The following FHIT variants were observed in gnomAD, a reference collection of about 807,000 sequenced individuals.
FHIT encodes bis(5'-adenosyl)-triphosphatase.
FHIT carries 19 observed loss-of-function variants against 17.9 expected under a neutral mutation model. The observed-to-expected ratio is 1.06, with a 90% CI of 0.74 to 1.56. FHIT has a LOEUF of 1.56. FHIT is among the 40% of genes most tolerant of loss of function. The pLI, the probability that FHIT is intolerant of heterozygous loss-of-function variation, is 0.00. For synonymous variants in FHIT, 81 were observed against 69.7 expected, an observed-to-expected ratio of 1.16 and a Z score of -0.81; for missense variants, 248 against 189.2, an observed-to-expected ratio of 1.31 and a Z score of -1.82.
intron 3 of FHIT, among the ~76,000 whole-genome samples, chr3:60,963,119 T>C (rs1709544836): frequency 6.6e-6 from 1 of 152,224 alleles, no homozygotes; most frequent in African/African-American, 2.4e-5. Context: ...CTGTTATTGG[T>C]CTATTAAGGG....
intron 8 of FHIT, among the ~76,000 whole-genome samples, chr3:59,786,517 C>T (rs962608331): frequency 2.0e-4 from 30 of 152,306 alleles, no homozygotes; most frequent in African/African-American, 6.0e-4. Context: ...CTGTGTCAGA[C>T]GTGCGATGCG....
chr3:60,892,912 T>G (rs1045011156), intron 3 of FHIT, among the ~76,000 whole-genome samples: 5 of 152,226 alleles, frequency 3.3e-5, no homozygotes, highest in African/African-American at 1.2e-4. Context: ...TTTAACTGCA[T>G]AGTGGAGTTA....
intron 4 of FHIT, among the ~76,000 whole-genome samples, chr3:60,696,345 A>G (rs1241176132): frequency 6.6e-6 from 1 of 152,200 alleles, no homozygotes; most frequent in Admixed American, 6.6e-5. Flanking sequence ...GACTTCCCAT[A>G]CTTCTTCAGG....
At chr3:59,960,321 T>C (rs1707610853) in intron 7 of FHIT, among the ~76,000 whole-genome samples, 1 of 152,142 alleles carries the variant, frequency 6.6e-6, no homozygotes, top group African/African-American at 2.4e-5. Flanking sequence ...TAAGAAATAT[T>C]GTGGGGTAAA....
chr3:60,086,770 A>G (rs1249017003), intron 5 of FHIT, among the ~76,000 whole-genome samples: 3 of 152,220 alleles, frequency 2.0e-5, no homozygotes, highest in South Asian at 2.1e-4. Context: ...CTCTGCCCCT[A>G]TAACTTCAGT....
intron 5 of FHIT, among the ~76,000 whole-genome samples, chr3:60,015,213 A>T (rs1321907982): frequency 6.6e-6 from 1 of 152,156 alleles, no homozygotes; most frequent in East Asian, 1.9e-4. Flanking sequence ...TATCAACCCC[A>T]TTCCGCTATT....
intron 5 of FHIT, among the ~76,000 whole-genome samples, chr3:60,214,816 A>G (rs1398295616): frequency 6.6e-6 from 1 of 151,614 alleles, no homozygotes; most frequent in African/African-American, 2.4e-5. Flanking sequence ...CATATATACC[A>G]CAGAATACTA....
intron 5 of FHIT, among the ~76,000 whole-genome samples, chr3:60,264,698 C>G (rs1384144643): frequency 6.6e-6 from 1 of 151,938 alleles, no homozygotes; most frequent in Non-Finnish European, 1.5e-5. Flanking sequence ...AATGTGGACT[C>G]TCCTTTTCTC....
At chr3:60,206,500 C>G (rs906571079) in intron 5 of FHIT, among the ~76,000 whole-genome samples, 1 of 151,972 alleles carries the variant, frequency 6.6e-6, no homozygotes, top group South Asian at 2.1e-4. Flanking sequence ...TTTGTTTTGA[C>G]TTAACATGCC....
chr3:60,965,294 G>A (rs1328439165), intron 3 of FHIT, among the ~76,000 whole-genome samples: 2 of 152,150 alleles, frequency 1.3e-5, no homozygotes, highest in South Asian at 4.1e-4. Flanking sequence ...GGTCATTTAA[G>A]TTCTTCTCTA....
rs377461394 is a variant in FHIT, at chr3:60,859,101, G to T, written c.-110-37090C>A. On this transcript the variant is annotated intron_variant, in intron 3 of 9. Transcript: ENST00000492590. ...ACATTCTGCATTTGTGGTATTTACAGCTTTTGTTTCTATTTCATAAAAATA... is the reference window on the plus strand; with the variant it reads ...ACATTCTGCATTTGTGGTATTTACATCTTTTGTTTCTATTTCATAAAAATA... Among the ~76,000 whole-genome samples the T allele has an allele frequency of 2.0e-4, 31 of 152,256 alleles. No individual in the cohort carries two copies. In the South Asian group the frequency reaches 6.4e-3, roughly 32 times the overall value.
intron 5 of FHIT, among the ~76,000 whole-genome samples, chr3:60,036,587 T>C (rs1701227149): frequency 1.3e-5 from 2 of 152,290 alleles, no homozygotes; most frequent in South Asian, 4.1e-4. Context: ...ATTAAAATGA[T>C]CATAAAGATG....
chr3:60,592,682 G>C (rs1348548614), intron 4 of FHIT, among the ~76,000 whole-genome samples: 1 of 152,120 alleles, frequency 6.6e-6, no homozygotes, highest in Non-Finnish European at 1.5e-5. Context: ...TCACTTGTCA[G>C]AATTTGATTA....
chr3:60,254,732 C>T (rs2107598365), intron 5 of FHIT, among the ~76,000 whole-genome samples: 1 of 152,282 alleles, frequency 6.6e-6, no homozygotes, highest in East Asian at 1.9e-4. Flanking sequence ...ATCCACTCCC[C>T]TACCCAAAAA....
intron 5 of FHIT, among the ~76,000 whole-genome samples, chr3:60,053,646 A>C (rs527414738): frequency 1.3e-5 from 2 of 152,164 alleles, no homozygotes; most frequent in Admixed American, 6.6e-5. Context: ...AGATGGAAAG[A>C]AATTGAGTCT....
chr3:60,617,707 G>C (rs2038993362), intron 4 of FHIT: 1 of 154,216 alleles, frequency 6.5e-6, no homozygotes, highest in African/African-American at 2.4e-5. Flanking sequence ...TACTGAAGAA[G>C]AGGTACAAAA....
intron 5 of FHIT, among the ~76,000 whole-genome samples, chr3:60,125,249 G>T (rs1479006086): frequency 6.6e-6 from 1 of 152,190 alleles, no homozygotes; most frequent in Non-Finnish European, 1.5e-5. Flanking sequence ...GGACAAGTCT[G>T]TTAACCTCTC....
chr3:60,494,306 T>G (rs1281108323), intron 5 of FHIT, among the ~76,000 whole-genome samples: 1 of 152,178 alleles, frequency 6.6e-6, no homozygotes, highest in African/African-American at 2.4e-5. Flanking sequence ...TCACATAATA[T>G]GCGACTTTTA....
intron 4 of FHIT, among the ~76,000 whole-genome samples, chr3:60,731,078 C>A (rs2042019529): frequency 6.6e-6 from 1 of 152,012 alleles, no homozygotes. Flanking sequence ...TTGCAGTGAG[C>A]CAGGGTCTCG....
Sources: gnomAD v4.1 joint callset for allele counts (sites outside exome capture counted in the v4.1 genomes callset) on GRCh38, gnomAD v4.1.1 for gene constraint, MANE v1.5 for transcripts, NCBI Gene and HGNC (gene_info 2026-07-23, HGNC 2026-07-21) for gene names.